The following EBF1 variants were observed in gnomAD, a reference collection of about 807,000 sequenced individuals.
The protein encoded by EBF1 is EBF transcription factor 1, also known as transcription factor COE1.
In EBF1, 10 loss-of-function variants were observed where a neutral mutation model predicts 68.4. The ratio of observed to expected loss-of-function variants is 0.15; its 90% confidence interval spans 0.09 to 0.25. EBF1 has a LOEUF of 0.25. EBF1 is among the 10% of genes least tolerant of loss of function. The probability of loss-of-function intolerance (pLI) is 1.00; values close to 1 mark genes in which losing one functional copy is unlikely to be tolerated. For synonymous variants in EBF1, 298 were observed against 299.8 expected (o/e 0.99, Z 0.06); for missense variants, 509 against 794.4 (o/e 0.64, Z 4.32).
In EBF1 at chr5:158,716,314, A is replaced by G. The variant is rs545333647; in HGVS notation, c.1126-2132T>C. Among the ~76,000 whole-genome samples, 29 of 152,206 alleles carry G rather than the reference A, an allele frequency of 1.9e-4. No individual in the cohort carries two copies. In the South Asian group the frequency reaches 5.8e-3, roughly 30 times the overall value. On this transcript the variant is annotated intron_variant, in intron 11 of 15. Transcript: ENST00000313708. ...TCTCATCCCCATTTAATCCTTTGAG[A>G]ATAAAACACGTGGATCTTGTTTCCT...
intron 6 of EBF1, among the ~76,000 whole-genome samples, chr5:158,978,831 C>CAGAG (rs1272823090): frequency 8.0e-5 from 9 of 113,134 alleles, no homozygotes; most frequent in African/African-American, 2.9e-4. Context: ...CACACACACA[C>CAGAG]ACACAGAGAG....
At chr5:158,717,667 A>G (rs1002066697) in intron 11 of EBF1, among the ~76,000 whole-genome samples, 4 of 152,088 alleles carry the variant, frequency 2.6e-5, no homozygotes, top group Non-Finnish European at 4.4e-5. Context: ...TGGGAATTAA[A>G]GACAAATACT....
intron 6 of EBF1, among the ~76,000 whole-genome samples, chr5:158,971,460 C>T (rs894376429): frequency 2.6e-5 from 4 of 152,136 alleles, no homozygotes; most frequent in Non-Finnish European, 4.4e-5. Context: ...GGCCCTGGAC[C>T]CAGCAGTACA....
chr5:158,958,460 C>T (rs1817563660), intron 6 of EBF1, among the ~76,000 whole-genome samples: 1 of 152,122 alleles, frequency 6.6e-6, no homozygotes, highest in Non-Finnish European at 1.5e-5. Context: ...GTTCACCTCT[C>T]ATTTTTTTCT....
chr5:158,949,047 A>G (rs1434045178), intron 6 of EBF1, among the ~76,000 whole-genome samples: 1 of 152,204 alleles, frequency 6.6e-6, no homozygotes, highest in Non-Finnish European at 1.5e-5. Flanking sequence ...GGAAATGCCA[A>G]TGGATTTCAA....
intron 6 of EBF1, among the ~76,000 whole-genome samples, chr5:158,974,647 ATGTG>A (rs1225955184): frequency 5.3e-5 from 8 of 152,186 alleles, no homozygotes; most frequent in African/African-American, 1.9e-4. Flanking sequence ...ATTTTTTAAA[ATGTG>A]TGTATTATAA....
intron 6 of EBF1, among the ~76,000 whole-genome samples, chr5:159,051,988 C>T (rs1274957382): frequency 7.2e-6 from 1 of 138,440 alleles, no homozygotes; most frequent in African/African-American, 2.8e-5. Flanking sequence ...CACACATACG[C>T]ACAGGCTCAT....
chr5:158,994,926 A>G (rs1761106193), intron 6 of EBF1, among the ~76,000 whole-genome samples: 2 of 152,236 alleles, frequency 1.3e-5, no homozygotes, highest in African/African-American at 4.8e-5. Context: ...TCAGAAATGA[A>G]TCAGTGACAT....
intron 7 of EBF1, among the ~76,000 whole-genome samples, chr5:158,826,117 C>G (rs1449587648): frequency 6.6e-6 from 1 of 152,084 alleles, no homozygotes; most frequent in East Asian, 1.9e-4. Flanking sequence ...TAAAACACAG[C>G]CTAAATTTGA....
At chr5:158,956,915 C>T (rs1235754837) in intron 6 of EBF1, among the ~76,000 whole-genome samples, 4 of 152,232 alleles carry the variant, frequency 2.6e-5, no homozygotes, top group South Asian at 2.1e-4. Flanking sequence ...CCTGCCACCA[C>T]GCCCAGCTAA....
At chr5:158,949,638 A>T (rs756915655) in intron 6 of EBF1, among the ~76,000 whole-genome samples, 15 of 152,238 alleles carry the variant, frequency 9.9e-5, no homozygotes, top group Non-Finnish European at 1.9e-4. Context: ...CACCCAATCT[A>T]GACATGGCTG....
At chr5:158,723,015 C>T (rs1762262769) in intron 11 of EBF1, among the ~76,000 whole-genome samples, 1 of 152,180 alleles carries the variant, frequency 6.6e-6, no homozygotes, top group South Asian at 2.1e-4. Flanking sequence ...TAGTCCTCCC[C>T]ATCAAGAACT....
At chr5:158,976,742 G>A (rs182277663) in intron 6 of EBF1, among the ~76,000 whole-genome samples, 9 of 152,240 alleles carry the variant, frequency 5.9e-5, no homozygotes. Flanking sequence ...ATATCTTTGA[G>A]ATTCTAATAG....
At chr5:158,782,817 A>G (rs921577740) in intron 9 of EBF1, among the ~76,000 whole-genome samples, 1 of 152,174 alleles carries the variant, frequency 6.6e-6, no homozygotes, top group Non-Finnish European at 1.5e-5. Context: ...ATCATTATCC[A>G]TGAGTCCAGG....
intron 6 of EBF1, among the ~76,000 whole-genome samples, chr5:158,917,486 T>A (rs748592628): frequency 2.0e-5 from 3 of 152,202 alleles, no homozygotes; most frequent in Non-Finnish European, 4.4e-5. Context: ...TTAGAGACCA[T>A]CCGGCTTGAT....
At chr5:158,781,306 C>T (rs1776413005) in intron 9 of EBF1, among the ~76,000 whole-genome samples, 1 of 152,160 alleles carries the variant, frequency 6.6e-6, no homozygotes, top group Non-Finnish European at 1.5e-5. Context: ...TGGTTTTCTT[C>T]ATTTGCTCCA....
Position 159,039,528 on chromosome 5 carries a change from T to C in EBF1, c.554+33868A>G, listed in dbSNP as rs143753524. Among the ~76,000 whole-genome samples the C allele has an allele frequency of 1.6e-3, 237 of 152,340 alleles. 1 individual carries two copies. The highest frequency in any genetic ancestry group is 5.1e-3 in the African/African-American group (212 of 41,582). On this transcript the variant is annotated intron_variant, in intron 6 of 15. Transcript: ENST00000313708. ...AGGGCCTAAATATATTTATCTGAAA[T>C]ATTACATTATACTTTATTTTAGCAC...
intron 6 of EBF1, among the ~76,000 whole-genome samples, chr5:158,981,044 G>A (rs1050217873): frequency 6.6e-6 from 1 of 151,988 alleles, no homozygotes; most frequent in Non-Finnish European, 1.5e-5. Flanking sequence ...CTTAGTTGGG[G>A]ATAAGAGGAA....
At chr5:158,803,179 C>A (rs1023469630) in intron 8 of EBF1, among the ~76,000 whole-genome samples, 1 of 152,038 alleles carries the variant, frequency 6.6e-6, no homozygotes, top group African/African-American at 2.4e-5. Flanking sequence ...CTCATTTCTA[C>A]GGGATACTTG....
Sources: gnomAD v4.1 joint callset for allele counts (sites outside exome capture counted in the v4.1 genomes callset) on GRCh38, gnomAD v4.1.1 for gene constraint, MANE v1.5 for transcripts, NCBI Gene and HGNC (gene_info 2026-07-23, HGNC 2026-07-21) for gene names.